ING4: variants seen among roughly 807,000 people sequenced by gnomAD.
The protein encoded by ING4 is inhibitor of growth protein 4.
Under a neutral mutation model 33.1 loss-of-function variants are expected in ING4, and 28 were observed. The ratio of observed to expected loss-of-function variants is 0.85; its 90% CI spans 0.63 to 1.16. The LOEUF (loss-of-function observed/expected upper bound fraction) is 1.16, where lower values mean the gene tolerates loss of function less well. ING4 is among the 50% of genes most tolerant of loss of function. The probability of loss-of-function intolerance (pLI) is 0.00; values close to 1 mark genes in which losing one functional copy is unlikely to be tolerated. For synonymous variants in ING4, 87 were observed against 104.4 expected (o/e 0.83, Z 1.02); for missense variants, 247 against 314.7 (o/e 0.78, Z 1.63).
intron 6 of ING4, among the ~76,000 whole-genome samples, chr12:6,651,755 C>A (rs997893394): frequency 9.2e-5 from 14 of 151,500 alleles, no homozygotes; most frequent in Non-Finnish European, 5.9e-5. Flanking sequence ...TTGGCCAGGC[C>A]AGTCTCGAAC....
chr12:6,652,372 G>C lies in ING4; in HGVS notation c.544C>G (p.Pro182Ala), dbSNP rs1949209103. The change falls in exon 6 of 8, where the codon CCC becomes GCC. Residue 182 changes from proline to alanine, a missense_variant. By Grantham distance (27) the Pro-to-Ala change is conservative. This residue lies in a region of ING4 where 11 missense variants were observed against 43.8 expected (regional missense o/e 0.25). Coordinates refer to ENST00000341550, the MANE Select transcript of ING4 (RefSeq NM_016162.4). ...MPSVTFGSVH[P>A]SDVLDMPVDP... ...ACAGGCATATCCAACACATCAGAGG[G>C]GTGGACACTGCCAAAGGTCACTGAG... 1.2e-6 allele frequency: 2 copies of C among 1,614,122 alleles called. No individual in the cohort carries two copies. Among genetic ancestry groups the C allele is most frequent in the Non-Finnish European group, 1.7e-6 (2 of 1,180,008 alleles).
At chr12:6,652,882 T>G (rs1251856255) in intron 4 of ING4, 54 bp downstream of exon 4, 19 of 1,562,106 alleles carry the variant, frequency 1.2e-5, no homozygotes, top group South Asian at 3.3e-5. Context: ...AAGAGCTGAC[T>G]TCTTCTCCCT....
chr12:6,652,244 C>G, intron 6 of ING4, 27 bp downstream of exon 6: 1 of 1,609,168 alleles, frequency 6.2e-7, no homozygotes, highest in South Asian at 1.1e-5. Flanking sequence ...CTCACAACCC[C>G]CCATCCTAAG....
At position 6,656,762 on chromosome 12, in the gene ING4, A is replaced by G; in HGVS notation, c.74T>C (p.Phe25Ser). 6.3e-7 allele frequency: 1 copy of G among 1,576,506 alleles called. No homozygotes were observed. Among genetic ancestry groups the G allele is most frequent in the Non-Finnish European group, 8.6e-7 (1 of 1,166,510 alleles). Residue 25 changes from phenylalanine (F) to serine (S), a missense_variant, in exon 2 of 8, where the codon TTT becomes TCT. By Grantham distance (155) the Phe-to-Ser change is radical. This residue lies in a region of ING4 where 198 missense variants were observed against 221.2 expected (regional missense o/e 0.89). Transcript: ENST00000341550. ...ENLPFELQRN[F>S]QLMRDLDQRT... ...TTGGTCTAGGTCCCTCATGAGCTGA[A>G]AGTTTCTCTGTAATTCAAAGGGAAG...
chr12:6,661,380 G>A (rs1223503552), intron 1 of ING4, among the ~76,000 whole-genome samples: 1 of 149,092 alleles, frequency 6.7e-6, no homozygotes, highest in Admixed American at 6.7e-5. Context: ...ACAGGCATGA[G>A]CCACCGTGCC....
intron 5 of ING4, 68 bp from the exon 6 acceptor site, chr12:6,652,486 G>A: frequency 6.5e-7 from 1 of 1,547,918 alleles, no homozygotes; most frequent in Non-Finnish European, 8.9e-7. Flanking sequence ...GCTTTCAGAG[G>A]TGGCAGGAGA....
At chr12:6,651,943 C>T (rs1949195136) in intron 6 of ING4, among the ~76,000 whole-genome samples, 1 of 150,822 alleles carries the variant, frequency 6.6e-6, no homozygotes, top group Non-Finnish European at 1.5e-5. Flanking sequence ...ACCTCTGCCT[C>T]CTAGGTTCAA....
chr12:6,662,853 A>C (rs963002214), intron 1 of ING4, among the ~76,000 whole-genome samples: 4 of 140,030 alleles, frequency 2.9e-5, no homozygotes, highest in Admixed American at 1.4e-4. Context: ...TCTAACCCCC[A>C]CACCGCACCC....
intron 2 of ING4, among the ~76,000 whole-genome samples, chr12:6,655,325 T>C (rs1241830331): frequency 1.2e-4 from 19 of 152,250 alleles, no homozygotes; most frequent in Admixed American, 1.2e-3. Flanking sequence ...ATTACAGGCG[T>C]AAGCCACCGC....
chr12:6,654,411 T>A (rs1949285981), intron 2 of ING4, among the ~76,000 whole-genome samples: 1 of 151,496 alleles, frequency 6.6e-6, no homozygotes, highest in Non-Finnish European at 1.5e-5. Context: ...TGGATCACAC[T>A]GCAGCCTCAA....
chr12:6,663,106 A>G lies in ING4; in HGVS notation c.-5T>C. On this transcript the variant is annotated 5_prime_UTR_variant, in exon 1 of 8. Transcript: ENST00000341550. The stretch of plus-strand genomic sequence containing the variant: ...CAAATACATCCCCGCAGCCATCTCG[A>G]AGCAAAACAAAGCAACTTCCGATCC... 6.2e-7 allele frequency: 1 copy of G among 1,614,108 alleles called. No homozygotes were observed. The highest frequency in any genetic ancestry group is 2.2e-5 in the East Asian group (1 of 44,880).
intron 6 of ING4, 31 bp downstream of exon 6, chr12:6,652,240 A>AC: frequency 1.2e-6 from 2 of 1,606,114 alleles, no homozygotes; most frequent in East Asian, 2.2e-5. Flanking sequence ...GCCCCTCACA[A>AC]CCCCCCATCC....
At position 6,650,402 on chromosome 12, in the gene ING4, T is replaced by C. The variant is rs7961940; in HGVS notation, c.*793A>G. 0.97 allele frequency: 148,187 copies of C among 152,458 alleles called. 72,210 individuals carry two copies. Among genetic ancestry groups the C allele is most frequent in the East Asian group, 1 (5,188 of 5,188 alleles). The allele number at this position is 152,458 out of a possible 1,614,324, so 9.4% of individuals were successfully genotyped here. A position where few individuals can be genotyped will look rare whatever the true frequency, so the allele number is the denominator to read the frequency against. On this transcript the variant is annotated 3_prime_UTR_variant, in exon 8 of 8. Coordinates refer to ENST00000341550, the MANE Select transcript of ING4 (RefSeq NM_016162.4). Reference sequence around the variant, plus strand: ...TTTGGAGACCCCCTGGTCTGAGGCCTACCCTCCAGCACCTCTGTCTTTCCC... The same window carrying C: ...TTTGGAGACCCCCTGGTCTGAGGCCCACCCTCCAGCACCTCTGTCTTTCCC...
chr12:6,655,610 A>G (rs1330057065), intron 2 of ING4: 4 of 1,129,638 alleles, frequency 3.5e-6, no homozygotes, highest in Non-Finnish European at 4.4e-6. Flanking sequence ...TTACAACTGT[A>G]TTACAAAAAA....
chr12:6,651,834 G>A (rs996795259), intron 6 of ING4, among the ~76,000 whole-genome samples: 11 of 148,694 alleles, frequency 7.4e-5, no homozygotes, highest in Admixed American at 3.4e-4. Context: ...GAGCCACAGC[G>A]CCAGGCTTTC....
chr12:6,653,158 C>T, intron 3 of ING4, 72 bp downstream of exon 3: 1 of 1,599,138 alleles, frequency 6.3e-7, no homozygotes, highest in Non-Finnish European at 8.6e-7. Context: ...GATCCCAACA[C>T]AGTTGAAGGA....
chr12:6,652,734 G>A lies in ING4; in HGVS notation c.425C>T (p.Ala142Val), dbSNP rs747043769. ...RTQKEKKAAR[A>V]RSKGKNSDEE... ...ATCCGAGTTTTTCCCTTTGGAACGA[G>A]CACGAGCAGCTTTCTTCTCCTTTTG... Residue 142 changes from alanine to valine, a missense_variant, in exon 5 of 8, where the codon GCT (alanine) becomes GTT (valine). Coordinates refer to ENST00000341550, the MANE Select transcript of ING4 (RefSeq NM_016162.4). 6 of 1,614,132 alleles carry A rather than the reference G, an allele frequency of 3.7e-6. No individual in the cohort carries two copies. The highest frequency in any genetic ancestry group is 5.1e-6 in the Non-Finnish European group (6 of 1,180,024).
rs764227924 is a variant in ING4, at chr12:6,653,331, C to T, written c.175G>A (p.Glu59Lys). ...TGTTTGAGAAGGGCCAATTTTTCCTCGGAGCTCAGGCTGCGGGCACTACTC... is the reference window on the plus strand; with the variant it reads ...TGTTTGAGAAGGGCCAATTTTTCCTTGGAGCTCAGGCTGCGGGCACTACTC... Reference protein sequence around the residue: ...YMSSARSLSSEEKLALLKQIQ... With the variant: ...YMSSARSLSSKEKLALLKQIQ... The change falls in exon 3 of 8, where the codon GAG (glutamate) becomes AAG (lysine). Residue 59 changes from glutamate to lysine, a missense_variant. Glu to Lys is a moderately conservative substitution (Grantham distance 56). This residue lies in a region of ING4 where 198 missense variants were observed against 221.2 expected (regional missense o/e 0.89). Transcript: ENST00000341550. The T allele has an allele frequency of 5.6e-6, 9 of 1,614,142 alleles. No individual in the cohort carries two copies. Among genetic ancestry groups the T allele is most frequent in the Middle Eastern group, 1.6e-4 (1 of 6,062 alleles).
chr12:6,652,317 C>CA lies in ING4; in HGVS notation c.598dup (p.Cys200LeufsTer13). On this transcript the variant is annotated frameshift_variant, in exon 6 of 8. Transcript: ENST00000341550. LOFTEE classifies it high-confidence loss of function. ...CATCTCTCCATAGGAGACCTGGTGACAAAGGCAATAGGTGGGTTCGTTGGG... is the reference window on the plus strand; with the variant it reads ...CATCTCTCCATAGGAGACCTGGTGACAAAAGGCAATAGGTGGGTTCGTTGGG... The CA allele has an allele frequency of 6.2e-7, 1 of 1,614,126 alleles. No homozygotes were observed. Among genetic ancestry groups the CA allele is most frequent in the Non-Finnish European group, 8.5e-7 (1 of 1,180,032 alleles).
Sources: gnomAD v4.1 joint callset for allele counts (sites outside exome capture counted in the v4.1 genomes callset) on GRCh38, gnomAD v4.1.1 for gene constraint, gnomAD v4.1.1 regional missense constraint, MANE v1.5 for transcripts, NCBI Gene and HGNC (gene_info 2026-07-23, HGNC 2026-07-21) for gene names.